PPIL4: variants seen among roughly 807,000 people sequenced by gnomAD.
PPIL4 encodes peptidylprolyl isomerase like 4.
PPIL4 carries 50 observed loss-of-function variants against 69.1 expected under a neutral mutation model. The ratio of observed to expected loss-of-function variants is 0.72; its 90% CI spans 0.58 to 0.92. PPIL4 has a LOEUF of 0.92. Among genes scored for constraint, PPIL4 ranks in the 40% least tolerant of loss-of-function variants. The pLI, the probability that PPIL4 is intolerant of heterozygous loss-of-function variation, is 0.00. For missense variants in PPIL4, 480 were observed against 587.9 expected, an observed-to-expected ratio of 0.82 and a Z score of 1.90; for synonymous variants, 193 against 191.6, an observed-to-expected ratio of 1.01 and a Z score of -0.06.
chr6:149,519,785 A>T (rs1447702008), intron 10 of PPIL4, among the ~76,000 whole-genome samples: 1 of 152,212 alleles, frequency 6.6e-6, no homozygotes, highest in Non-Finnish European at 1.5e-5. Context: ...AAACAGACAA[A>T]AAAAACAGTT....
At chr6:149,507,913 G>T (rs1776790278) in intron 12 of PPIL4, among the ~76,000 whole-genome samples, 1 of 152,196 alleles carries the variant, frequency 6.6e-6, no homozygotes, top group South Asian at 2.1e-4. Flanking sequence ...GCCTCAAAGG[G>T]TAAGTGAGCT....
At chr6:149,507,314 A>T (rs1372365743) in intron 12 of PPIL4, among the ~76,000 whole-genome samples, 1 of 152,266 alleles carries the variant, frequency 6.6e-6, no homozygotes, top group African/African-American at 2.4e-5. Flanking sequence ...TGTGTAATAC[A>T]GTATTATAAA....
chr6:149,544,692 A>AG (rs1777412576), intron 1 of PPIL4, among the ~76,000 whole-genome samples: 1 of 152,222 alleles, frequency 6.6e-6, no homozygotes, highest in African/African-American at 2.4e-5. Flanking sequence ...ATAAGTAGTA[A>AG]GTTTGCCAGA....
At chr6:149,529,119 T>C (rs577354261) in intron 7 of PPIL4, among the ~76,000 whole-genome samples, 2 of 151,930 alleles carry the variant, frequency 1.3e-5, no homozygotes, top group African/African-American at 4.8e-5. Flanking sequence ...TAGTCCCAGC[T>C]ACTCAAGAGG....
chr6:149,521,283 T>C (rs748419190), intron 9 of PPIL4, 112 bp from the exon 10 acceptor site: 56 of 684,988 alleles, frequency 8.2e-5, no homozygotes, highest in Admixed American at 2.6e-4. Context: ...TTTGAATACT[T>C]ATTACACACC....
chr6:149,508,975 T>A (rs1483376748), intron 12 of PPIL4, among the ~76,000 whole-genome samples: 3 of 152,066 alleles, frequency 2.0e-5, no homozygotes, highest in Admixed American at 6.6e-5. Flanking sequence ...TAATGAATTT[T>A]AAAAAATAAA....
intron 4 of PPIL4, among the ~76,000 whole-genome samples, chr6:149,540,061 GGAGGTTGCAGTGAGCC>G (rs1374083843): frequency 6.6e-6 from 1 of 151,126 alleles, no homozygotes. Flanking sequence ...CCTGAGAGGC[GGAGGTTGCAGTGAGCC>G]GAGATCACAC....
chr6:149,529,885 G>A (rs975276328), intron 7 of PPIL4, among the ~76,000 whole-genome samples: 3 of 151,942 alleles, frequency 2.0e-5, no homozygotes, highest in Non-Finnish European at 4.4e-5. Flanking sequence ...AGTGAAAGAA[G>A]ACAGTCTGAA....
At chr6:149,545,067 A>G (rs1299761604) in intron 1 of PPIL4, among the ~76,000 whole-genome samples, 1 of 152,150 alleles carries the variant, frequency 6.6e-6, no homozygotes, top group Non-Finnish European at 1.5e-5. Flanking sequence ...AGGGCACACA[A>G]GACTATTCAC....
chr6:149,530,179 A>G (rs1043322614), intron 7 of PPIL4, among the ~76,000 whole-genome samples: 5 of 152,200 alleles, frequency 3.3e-5, no homozygotes, highest in African/African-American at 1.2e-4. Context: ...TGGCTCATCA[A>G]TTGTTAACAA....
chr6:149,517,439 T>C lies in PPIL4; in HGVS notation c.994A>G (p.Thr332Ala). ...VKWKGKGGKY[T>A]KSDFKEYEKE... ...TCATACTCCTTGAAATCACTCTTGG[T>C]GTATTTCCCACCTATTTATTAAGAA... Residue 332 changes from threonine (T) to alanine (A), a missense_variant, in exon 11 of 13, where the codon ACC becomes GCC. Coordinates refer to ENST00000253329, the MANE Select transcript of PPIL4 (RefSeq NM_139126.4). The C allele has an allele frequency of 6.4e-7, 1 of 1,561,682 alleles. No homozygotes were observed. Among genetic ancestry groups the C allele is most frequent in the Non-Finnish European group, 8.7e-7 (1 of 1,149,238 alleles).
In PPIL4 at chr6:149,504,829, A is replaced by G. The variant is rs1206811440; in HGVS notation, c.*624T>C. ...CAGCATTGTTTCAACAGCAAAAACA[A>G]ATAAACAAAACTCAAATGTCCATCA... On this transcript the variant is annotated 3_prime_UTR_variant, in exon 13 of 13. Coordinates refer to ENST00000253329, the MANE Select transcript of PPIL4 (RefSeq NM_139126.4). 6.6e-6 allele frequency: 1 copy of G among 152,252 alleles called. No individual in the cohort carries two copies. Among genetic ancestry groups the G allele is most frequent in the Non-Finnish European group, 1.5e-5 (1 of 68,038 alleles). The allele number at this position is 152,252 out of a possible 1,614,324, so 9.4% of individuals were successfully genotyped here. A position where few individuals can be genotyped will look rare whatever the true frequency, so the allele number is the denominator to read the frequency against.
intron 12 of PPIL4, among the ~76,000 whole-genome samples, chr6:149,506,293 A>T (rs1467539879): frequency 6.6e-6 from 1 of 152,144 alleles, no homozygotes; most frequent in East Asian, 1.9e-4. Flanking sequence ...AGCCTGACCA[A>T]CATGGAGAAA....
intron 12 of PPIL4, among the ~76,000 whole-genome samples, chr6:149,507,213 G>C (rs1418920244): frequency 6.6e-6 from 1 of 152,144 alleles, no homozygotes; most frequent in Non-Finnish European, 1.5e-5. Context: ...CAAATTATTA[G>C]TTATTCCATA....
intron 10 of PPIL4, among the ~76,000 whole-genome samples, chr6:149,519,871 T>C (rs1447449517): frequency 6.6e-6 from 1 of 152,226 alleles, no homozygotes; most frequent in Non-Finnish European, 1.5e-5. Flanking sequence ...TAGCATTACA[T>C]GTGAGTAACT....
intron 8 of PPIL4, among the ~76,000 whole-genome samples, chr6:149,525,960 G>A (rs562975579): frequency 1.4e-4 from 21 of 152,206 alleles, no homozygotes; most frequent in African/African-American, 4.8e-4. Context: ...TTAGCTGGGC[G>A]TGTTGGCGCA....
intron 4 of PPIL4, among the ~76,000 whole-genome samples, chr6:149,535,991 G>A (rs1777269561): frequency 6.6e-6 from 1 of 152,184 alleles, no homozygotes; most frequent in African/African-American, 2.4e-5. Context: ...TAAGTCTATT[G>A]GTGCCATTTT....
At chr6:149,545,822 G>A in intron 1 of PPIL4, 114 bp downstream of exon 1, 1 of 970,160 alleles carries the variant, frequency 1.0e-6, no homozygotes, top group Non-Finnish European at 1.6e-6. Context: ...GCGGGCACCA[G>A]CAGCCCAGAA....
At chr6:149,515,811 C>T (rs754907920) in intron 11 of PPIL4, among the ~76,000 whole-genome samples, 6 of 152,198 alleles carry the variant, frequency 3.9e-5, no homozygotes, top group Non-Finnish European at 8.8e-5. Context: ...TGTGAGCTCA[C>T]TGCCATCTTT....
Sources: gnomAD v4.1 joint callset for allele counts (sites outside exome capture counted in the v4.1 genomes callset) on GRCh38, gnomAD v4.1.1 for gene constraint, MANE v1.5 for transcripts, NCBI Gene and HGNC (gene_info 2026-07-23, HGNC 2026-07-21) for gene names.